Variants in LRRC4C observed in about 807,000 individuals in gnomAD.
LRRC4C encodes the protein leucine-rich repeat-containing protein 4C.
In LRRC4C, 5 loss-of-function variants were observed where a neutral mutation model predicts 33.6. The ratio of observed to expected loss-of-function variants is 0.15; its 90% CI spans 0.08 to 0.31. The LOEUF is 0.31. Ranked by LOEUF, LRRC4C falls within the 10% of genes least tolerant of loss-of-function variation. LRRC4C has a pLI of 1.00. For missense variants in LRRC4C, 560 were observed against 796.7 expected (o/e 0.70, Z 3.58); for synonymous variants, 329 against 302.0 (o/e 1.09, Z -0.93).
intron 3 of LRRC4C, among the ~76,000 whole-genome samples, chr11:40,373,082 C>A (rs1180525877): frequency 1.3e-5 from 2 of 152,094 alleles, no homozygotes; most frequent in African/African-American, 2.4e-5. Context: ...AGAAAATATT[C>A]TTTAATAAAT....
intron 2 of LRRC4C, among the ~76,000 whole-genome samples, chr11:40,796,561 C>T (rs575061483): frequency 5.4e-5 from 8 of 149,140 alleles, no homozygotes; most frequent in East Asian, 2.0e-4. Flanking sequence ...TAAATGTAGT[C>T]GGTGTAGAAG....
chr11:41,307,321 C>T (rs1471028204), intron 1 of LRRC4C, among the ~76,000 whole-genome samples: 3 of 152,126 alleles, frequency 2.0e-5, no homozygotes, highest in Admixed American at 6.5e-5. Context: ...CATAACCTGT[C>T]GTTTAATAAC....
At chr11:40,855,396 T>C (rs965103012) in intron 2 of LRRC4C, among the ~76,000 whole-genome samples, 1 of 152,174 alleles carries the variant, frequency 6.6e-6, no homozygotes, top group Non-Finnish European at 1.5e-5. Context: ...AAGGGCATAG[T>C]GAAGATTCAA....
chr11:40,935,090 A>G (rs561035996), intron 1 of LRRC4C, among the ~76,000 whole-genome samples: 1 of 152,268 alleles, frequency 6.6e-6, no homozygotes, highest in South Asian at 2.1e-4. Flanking sequence ...TTCTCCTCCC[A>G]TTAAGCAAGA....
chr11:40,765,793 A>T (rs1301653544), intron 2 of LRRC4C, among the ~76,000 whole-genome samples: 2 of 152,038 alleles, frequency 1.3e-5, no homozygotes, highest in African/African-American at 4.8e-5. Flanking sequence ...GAAGAAAAAA[A>T]AAATTAAATA....
chr11:40,487,215 G>C (rs1826722), intron 3 of LRRC4C, among the ~76,000 whole-genome samples: 1 of 152,024 alleles, frequency 6.6e-6, no homozygotes, highest in Non-Finnish European at 1.5e-5. Context: ...TTTAATGAGA[G>C]AAAAATAAAA....
At chr11:40,514,581 T>C (rs536429041) in intron 3 of LRRC4C, among the ~76,000 whole-genome samples, 1 of 152,316 alleles carries the variant, frequency 6.6e-6, no homozygotes, top group African/African-American at 2.4e-5. Context: ...ATCAGAATTA[T>C]TGACACTCAA....
Position 40,314,045 on chromosome 11 carries a change from C to A in LRRC4C, c.-176+5583G>T, listed in dbSNP as rs572514879. On this transcript the variant is annotated intron_variant, in intron 4 of 6. Transcript: ENST00000528697. Reference sequence around the variant, plus strand: ...AAAAGCTTTTGCACAGCCAAGGAAACAATGAACAGAATGAAAAGACAACCT... The same window carrying A: ...AAAAGCTTTTGCACAGCCAAGGAAAAAATGAACAGAATGAAAAGACAACCT... Among the ~76,000 whole-genome samples the A allele has an allele frequency of 2.6e-5, 4 of 151,830 alleles. No individual in the cohort carries two copies. The East Asian group carries it at 7.8e-4, about 29-fold the overall frequency.
In LRRC4C at chr11:41,317,286, A is replaced by T. The variant is rs1368119935; in HGVS notation, c.-496+142145T>A. Among the ~76,000 whole-genome samples, 3 of 151,926 alleles carry T rather than the reference A, an allele frequency of 2.0e-5. No individual in the cohort carries two copies. In the East Asian group the frequency reaches 5.8e-4, roughly 29 times the overall value. On this transcript the variant is annotated intron_variant, in intron 1 of 6. Coordinates refer to ENST00000528697, the MANE Select transcript of LRRC4C (RefSeq NM_001258419.2). ...TAACCTTAAAATGAGAAAGAATAAT[A>T]TCGATTTCAAATGATAAGTGGAAAT...
chr11:40,228,684 T>C (rs1864983301), intron 5 of LRRC4C, among the ~76,000 whole-genome samples: 1 of 152,226 alleles, frequency 6.6e-6, no homozygotes, highest in Admixed American at 6.5e-5. Context: ...CAAATCATCT[T>C]TTCAAATATA....
chr11:40,429,948 C>T (rs1243263822), intron 3 of LRRC4C, among the ~76,000 whole-genome samples: 1 of 152,032 alleles, frequency 6.6e-6, no homozygotes, highest in Admixed American at 6.6e-5. Context: ...AAACATTATT[C>T]TCATTAGTTT....
chr11:40,768,669 C>A (rs1216041992), intron 2 of LRRC4C, among the ~76,000 whole-genome samples: 1 of 151,978 alleles, frequency 6.6e-6, no homozygotes, highest in Non-Finnish European at 1.5e-5. Context: ...CTCAGGGATG[C>A]AAGGATGATT....
chr11:40,770,056 A>G (rs1051373340), intron 2 of LRRC4C, among the ~76,000 whole-genome samples: 18 of 152,188 alleles, frequency 1.2e-4, no homozygotes, highest in African/African-American at 4.1e-4. Context: ...AACAATAATC[A>G]AAGTGAAGAA....
At chr11:41,441,366 T>C (rs760384768) in intron 1 of LRRC4C, among the ~76,000 whole-genome samples, 1 of 152,072 alleles carries the variant, frequency 6.6e-6, no homozygotes, top group Non-Finnish European at 1.5e-5. Context: ...GTGGCTGAGA[T>C]AGGAACAATA....
chr11:40,208,491 G>C (rs930796088), intron 5 of LRRC4C, among the ~76,000 whole-genome samples: 5 of 151,850 alleles, frequency 3.3e-5, no homozygotes, highest in Non-Finnish European at 5.9e-5. Context: ...ATTTTTTTTA[G>C]TATTGAAGTA....
intron 2 of LRRC4C, among the ~76,000 whole-genome samples, chr11:40,876,408 C>T (rs1321231648): frequency 6.6e-6 from 1 of 151,814 alleles, no homozygotes; most frequent in Non-Finnish European, 1.5e-5. Context: ...TGTCAGAAAT[C>T]CCAGTGTTCA....
chr11:40,700,384 T>G (rs1945809542), intron 2 of LRRC4C, among the ~76,000 whole-genome samples: 1 of 152,168 alleles, frequency 6.6e-6, no homozygotes, highest in Non-Finnish European at 1.5e-5. Context: ...CTTAAAAAGG[T>G]AAAATCTTAG....
intron 5 of LRRC4C, among the ~76,000 whole-genome samples, chr11:40,159,824 C>T (rs1859010139): frequency 6.6e-6 from 1 of 152,096 alleles, no homozygotes; most frequent in East Asian, 1.9e-4. Context: ...AAACTATATG[C>T]CTGCTATCAA....
At chr11:40,322,241 A>G (rs530926381) in intron 3 of LRRC4C, among the ~76,000 whole-genome samples, 3 of 152,162 alleles carry the variant, frequency 2.0e-5, no homozygotes, top group South Asian at 2.1e-4. Context: ...TGTTTTAAAA[A>G]AGAAATTCAC....
Sources: allele counts gnomAD v4.1 joint callset (sites outside exome capture counted in the v4.1 genomes callset), GRCh38; gene constraint gnomAD v4.1.1; transcripts MANE v1.5; gene names NCBI Gene and HGNC (gene_info 2026-07-23, HGNC 2026-07-21).